GPR39: variants seen among roughly 807,000 people sequenced by gnomAD.
The protein encoded by GPR39 is zinc sensing receptor.
In GPR39, 23 loss-of-function variants were observed where a neutral mutation model predicts 18.4. The ratio of observed to expected loss-of-function variants is 1.25; its 90% CI spans 0.90 to 1.77. The LOEUF is 1.77. GPR39 is among the 40% of genes most tolerant of loss of function. The pLI, the probability that GPR39 is intolerant of heterozygous loss-of-function variation, is 0.00. For synonymous variants in GPR39, 280 were observed against 257.9 expected, an observed-to-expected ratio of 1.09 and a Z score of -0.82; for missense variants, 647 against 602.4, an observed-to-expected ratio of 1.07 and a Z score of -0.78.
chr2:132,527,697 T>C (rs1481168859), intron 1 of GPR39, among the ~76,000 whole-genome samples: 1 of 152,196 alleles, frequency 6.6e-6, no homozygotes, highest in East Asian at 1.9e-4. Flanking sequence ...ATCAGTGACG[T>C]TGAGCTTTTT....
At chr2:132,566,381 G>A (rs1247932904) in intron 1 of GPR39, among the ~76,000 whole-genome samples, 1 of 151,290 alleles carries the variant, frequency 6.6e-6, no homozygotes, top group African/African-American at 2.4e-5. Context: ...AGTTTCTTTT[G>A]CTGTGCAGAA....
At chr2:132,532,472 G>A (rs1679658196) in intron 1 of GPR39, among the ~76,000 whole-genome samples, 1 of 152,070 alleles carries the variant, frequency 6.6e-6, no homozygotes, top group Non-Finnish European at 1.5e-5. Flanking sequence ...AGAAAAAGAG[G>A]GAATCCTCCC....
intron 1 of GPR39, among the ~76,000 whole-genome samples, chr2:132,428,380 A>G (rs1328939913): frequency 6.6e-6 from 1 of 152,248 alleles, no homozygotes; most frequent in Non-Finnish European, 1.5e-5. Flanking sequence ...ACATCAAAGT[A>G]TAAGGGCAGA....
chr2:132,631,073 C>T (rs991504814), intron 1 of GPR39, among the ~76,000 whole-genome samples: 17 of 151,964 alleles, frequency 1.1e-4, no homozygotes, highest in Middle Eastern at 3.4e-3. Context: ...ATCAGAGTGA[C>T]GGAGGAGGTA....
chr2:132,526,616 A>G (rs1365981795), intron 1 of GPR39, among the ~76,000 whole-genome samples: 1 of 152,190 alleles, frequency 6.6e-6, no homozygotes, highest in Non-Finnish European at 1.5e-5. Context: ...TGGTTGCACC[A>G]TCCTGCTGGG....
At chr2:132,616,341 C>T (rs1421914717) in intron 1 of GPR39, among the ~76,000 whole-genome samples, 1 of 152,140 alleles carries the variant, frequency 6.6e-6, no homozygotes, top group Non-Finnish European at 1.5e-5. Context: ...TCCCCAGCAT[C>T]CTATATTCAT....
Position 132,645,506 on chromosome 2 carries a change from C to A in GPR39, c.1262C>A (p.Ser421Tyr), listed in dbSNP as rs552751934. The change falls in exon 2 of 2, where the codon TCT (serine) becomes TAT (tyrosine). Residue 421 changes from serine (S) to tyrosine (Y), a missense_variant. Physicochemically the swap from Ser to Tyr is moderately radical, Grantham distance 144. Coordinates refer to ENST00000329321, the MANE Select transcript of GPR39 (RefSeq NM_001508.3). ...TTTCAGAGCGAGGCCGAGCCCCAGT[C>A]TAAGTCCCAGTCATTGAGTCTCGAG... ...STFQSEAEPQSKSQSLSLESL... is the reference protein window; with the variant it reads ...STFQSEAEPQYKSQSLSLESL... The A allele has an allele frequency of 6.2e-7, 1 of 1,613,210 alleles. No individual in the cohort carries two copies. Among genetic ancestry groups the A allele is most frequent in the African/African-American group, 1.3e-5 (1 of 74,266 alleles).
At chr2:132,539,848 G>A (rs1558832484) in intron 1 of GPR39, among the ~76,000 whole-genome samples, 1 of 152,242 alleles carries the variant, frequency 6.6e-6, no homozygotes, top group East Asian at 1.9e-4. Flanking sequence ...CTGTGGGATG[G>A]GCAATGCTGT....
chr2:132,591,579 C>T (rs1450447887), intron 1 of GPR39, among the ~76,000 whole-genome samples: 3 of 152,314 alleles, frequency 2.0e-5, no homozygotes, highest in Admixed American at 6.5e-5. Context: ...CCTTAATAAA[C>T]TCCCTTTCAT....
chr2:132,583,660 G>C (rs948684903), intron 1 of GPR39, among the ~76,000 whole-genome samples: 10 of 151,856 alleles, frequency 6.6e-5, no homozygotes, highest in African/African-American at 2.4e-4. Context: ...AGATTGAAGA[G>C]GGGCATGGCA....
intron 1 of GPR39, among the ~76,000 whole-genome samples, chr2:132,552,397 G>A (rs888078591): frequency 6.6e-6 from 1 of 152,066 alleles, no homozygotes; most frequent in African/African-American, 2.4e-5. Context: ...ACTCTGCCTT[G>A]TGAGATGCCT....
chr2:132,551,901 T>C (rs1194604731), intron 1 of GPR39, among the ~76,000 whole-genome samples: 2 of 152,164 alleles, frequency 1.3e-5, no homozygotes, highest in African/African-American at 2.4e-5. Context: ...TGCTAGGCAG[T>C]TGGGATCCAT....
intron 1 of GPR39, among the ~76,000 whole-genome samples, chr2:132,563,374 A>G (rs1459687140): frequency 6.6e-6 from 1 of 152,048 alleles, no homozygotes; most frequent in Non-Finnish European, 1.5e-5. Flanking sequence ...CTTTGGGAGG[A>G]TTGCTTGAGG....
intron 1 of GPR39, among the ~76,000 whole-genome samples, chr2:132,453,065 T>C (rs1215361684): frequency 6.6e-6 from 1 of 152,186 alleles, no homozygotes; most frequent in African/African-American, 2.4e-5. Flanking sequence ...CACTGTCTTC[T>C]ACAATGGTTG....
intron 1 of GPR39, among the ~76,000 whole-genome samples, chr2:132,553,463 A>C (rs1680092856): frequency 6.6e-6 from 1 of 151,922 alleles, no homozygotes; most frequent in South Asian, 2.1e-4. Flanking sequence ...TGTATGCTGA[A>C]AGATTCAAAA....
intron 1 of GPR39, among the ~76,000 whole-genome samples, chr2:132,458,550 T>C (rs1450138514): frequency 2.0e-5 from 3 of 151,940 alleles, no homozygotes; most frequent in Non-Finnish European, 2.9e-5. Context: ...TCACATTTTT[T>C]GTATCTGCTC....
At chr2:132,443,509 T>G (rs994930512) in intron 1 of GPR39, among the ~76,000 whole-genome samples, 7 of 152,240 alleles carry the variant, frequency 4.6e-5, no homozygotes, top group African/African-American at 1.7e-4. Flanking sequence ...GTTAGATGAT[T>G]TTGCCCAACC....
chr2:132,501,980 A>G (rs1432040529), intron 1 of GPR39, among the ~76,000 whole-genome samples: 2 of 152,078 alleles, frequency 1.3e-5, no homozygotes, highest in African/African-American at 4.8e-5. Flanking sequence ...TATGTGTTAG[A>G]TGAATCTCCT....
In GPR39 at chr2:132,417,352, T is replaced by G. The variant is rs776038566; in HGVS notation, c.310T>G (p.Tyr104Asp). The change falls in exon 1 of 2, where the codon TAC becomes GAC. Residue 104 changes from tyrosine (Y) to aspartate (D), a missense_variant. Tyr to Asp is a radical substitution (Grantham distance 160). This residue lies in a region of GPR39 where 581 missense variants were observed against 506.8 expected (regional missense o/e 1.15). Coordinates refer to ENST00000329321, the MANE Select transcript of GPR39 (RefSeq NM_001508.3). ...CTGGAATCCCCTGACCACGTCCAGC[T>G]ACACCCTGTCCTGCAAGCTGCACAC... Reference protein sequence around the residue: ...IIWNPLTTSSYTLSCKLHTFL... With the variant: ...IIWNPLTTSSDTLSCKLHTFL... 6.2e-7 allele frequency: 1 copy of G among 1,614,202 alleles called. No individual in the cohort carries two copies. The highest frequency in any genetic ancestry group is 8.5e-7 in the Non-Finnish European group (1 of 1,180,034).
Sources: allele counts gnomAD v4.1 joint callset (sites outside exome capture counted in the v4.1 genomes callset), GRCh38; gene constraint gnomAD v4.1.1; regional missense constraint gnomAD v4.1.1; transcripts MANE v1.5; gene names NCBI Gene and HGNC (gene_info 2026-07-23, HGNC 2026-07-21).